The following RBM25 variants were observed in gnomAD, a reference collection of about 807,000 sequenced individuals.
The protein encoded by RBM25 is RNA-binding protein 25.
In RBM25, 19 loss-of-function variants were observed where a neutral mutation model predicts 120.7. That is an observed-to-expected ratio of 0.16 (90% CI 0.11 to 0.23). The LOEUF (loss-of-function observed/expected upper bound fraction) is 0.23. Ranked by LOEUF, RBM25 falls within the 10% of genes least tolerant of loss-of-function variation. The probability of loss-of-function intolerance (pLI) is 1.00; values close to 1 mark genes in which losing one functional copy is unlikely to be tolerated. For synonymous variants in RBM25, 390 were observed against 326.7 expected (o/e 1.19, Z -2.09); for missense variants, 605 against 1,041.5 (o/e 0.58, Z 5.77).
At chr14:73,062,598 T>C (rs367962752) in intron 1 of RBM25, among the ~76,000 whole-genome samples, 3 of 151,580 alleles carry the variant, frequency 2.0e-5, no homozygotes, top group Admixed American at 6.6e-5. Context: ...AAAAATAGTT[T>C]GAAAGATTCA....
At chr14:73,118,526 A>G (rs2140469257) in intron 18 of RBM25, among the ~76,000 whole-genome samples, 1 of 152,130 alleles carries the variant, frequency 6.6e-6, no homozygotes, top group African/African-American at 2.4e-5. Flanking sequence ...GAGATAAATG[A>G]AATTCTGTAT....
intron 9 of RBM25, chr14:73,102,962 C>A: frequency 4.0e-6 from 3 of 750,774 alleles, no homozygotes; most frequent in Non-Finnish European, 5.8e-6. Context: ...CACAATCTCC[C>A]AGCATCCAAG....
intron 5 of RBM25, among the ~76,000 whole-genome samples, chr14:73,083,870 A>G (rs1566588414): frequency 6.6e-6 from 1 of 151,904 alleles, no homozygotes; most frequent in Non-Finnish European, 1.5e-5. Context: ...TTAGTAAGGG[A>G]GAAGAAGAGA....
At chr14:73,080,450 C>A (rs1762371088) in intron 4 of RBM25, among the ~76,000 whole-genome samples, 1 of 152,050 alleles carries the variant, frequency 6.6e-6, no homozygotes, top group Non-Finnish European at 1.5e-5. Context: ...GTCTCGATCT[C>A]CTGACCTCGT....
At chr14:73,069,779 A>AAAAAAAAAT (rs1895234317) in intron 1 of RBM25, 5 of 125,248 alleles carry the variant, frequency 4.0e-5, no homozygotes, top group Non-Finnish European at 6.8e-5. Context: ...AAAAAAAAAA[A>AAAAAAAAAT]GTGTGTTGCT....
intron 10 of RBM25, among the ~76,000 whole-genome samples, chr14:73,103,903 C>T (rs1566597214): frequency 1.3e-5 from 1 of 77,338 alleles, no homozygotes; most frequent in Non-Finnish European, 2.3e-5. Flanking sequence ...GTCTGTCTGT[C>T]TGTCTCTCTC....
chr14:73,117,047 ATC>A (rs1648629757), intron 18 of RBM25, among the ~76,000 whole-genome samples: 1 of 152,050 alleles, frequency 6.6e-6, no homozygotes. Flanking sequence ...TTGTGCCTAC[ATC>A]TCTCTGAAGT....
At chr14:73,075,854 C>T (rs2140430642) in intron 2 of RBM25, among the ~76,000 whole-genome samples, 1 of 151,478 alleles carries the variant, frequency 6.6e-6, no homozygotes, top group African/African-American at 2.4e-5. Flanking sequence ...CTATTTTGCC[C>T]AGGCAGATCT....
At chr14:73,082,134 G>A (rs1177448351) in intron 4 of RBM25, among the ~76,000 whole-genome samples, 3 of 151,918 alleles carry the variant, frequency 2.0e-5, no homozygotes, top group African/African-American at 4.8e-5. Context: ...TATTTTGCAC[G>A]GGTTCTTGGG....
At chr14:73,103,921 C>G (rs377741) in intron 10 of RBM25, among the ~76,000 whole-genome samples, 132 of 71,380 alleles carry the variant, frequency 1.8e-3, no homozygotes, top group Middle Eastern at 5.5e-3. Flanking sequence ...CTCTCTCTCT[C>G]TCTCTCTCTC....
intron 5 of RBM25, among the ~76,000 whole-genome samples, chr14:73,087,535 A>G (rs1370796434): frequency 6.6e-6 from 1 of 151,990 alleles, no homozygotes; most frequent in Non-Finnish European, 1.5e-5. Flanking sequence ...AGCTGGGACT[A>G]CAGGCGCCCG....
At chr14:73,086,668 A>G (rs1316686899) in intron 5 of RBM25, among the ~76,000 whole-genome samples, 1 of 152,198 alleles carries the variant, frequency 6.6e-6, no homozygotes, top group Non-Finnish European at 1.5e-5. Flanking sequence ...CACACTAACA[A>G]CATTGACACT....
intron 2 of RBM25, among the ~76,000 whole-genome samples, chr14:73,075,160 T>G (rs1253587988): frequency 2.0e-5 from 3 of 151,882 alleles, no homozygotes; most frequent in Non-Finnish European, 4.4e-5. Context: ...CATGATTTTA[T>G]TTATTTATTT....
chr14:73,103,628 G>A, intron 10 of RBM25, 150 bp downstream of exon 10: 1 of 1,231,714 alleles, frequency 8.1e-7, no homozygotes, highest in South Asian at 2.1e-5. Flanking sequence ...TGCAGTGGCT[G>A]AGCAATCTCC....
chr14:73,110,949 A>T lies in RBM25; in HGVS notation c.1811A>T (p.Glu604Val). The T allele has an allele frequency of 6.2e-7, 1 of 1,612,828 alleles. No homozygotes were observed. Among genetic ancestry groups the T allele is most frequent in the South Asian group, 1.1e-5 (1 of 90,916 alleles). ...EEKREEPMEE[E>V]EEPEQKPCLK... ...AAACGAGAAGAACCCATGGAAGAGG[A>T]AGAGGAGCCAGAGCAAAAGCCTTGT... is the stretch of plus-strand genomic sequence containing the variant. The change falls in exon 15 of 19, where the codon GAA becomes GTA. Residue 604 changes from glutamate (E) to valine (V), a missense_variant. By Grantham distance (121) the Glu-to-Val change is moderately radical. This residue lies in a region of RBM25 where 465 missense variants were observed against 741.6 expected (regional missense o/e 0.63). Transcript: ENST00000261973.
chr14:73,077,387 T>G lies in RBM25; in HGVS notation c.175T>G (p.Ser59Ala). Residue 59 changes from serine to alanine, a missense_variant, in exon 4 of 19, where the codon TCT becomes GCT. Coordinates refer to ENST00000261973, the MANE Select transcript of RBM25 (RefSeq NM_021239.3). ...ACCTTAGGTCTTAGTACCCACTGTG[T>G]CTATGGTTGGAAAGCATTTGGGCGC... ...PAPTVLVPTV[S>A]MVGKHLGARK... 6.2e-7 allele frequency: 1 copy of G among 1,612,942 alleles called. No homozygotes were observed. Among genetic ancestry groups the G allele is most frequent in the Non-Finnish European group, 8.5e-7 (1 of 1,179,322 alleles).
chr14:73,103,948 T>TCTCTCTCACACACACACACA (rs1594928335), intron 10 of RBM25, among the ~76,000 whole-genome samples: 4 of 91,430 alleles, frequency 4.4e-5, no homozygotes, highest in Non-Finnish European at 9.7e-5. Flanking sequence ...TCTCTCTCTC[T>TCTCTCTCACACACACACACA]CACACACACA....
At chr14:73,117,959 A>T (rs1461474118) in intron 18 of RBM25, among the ~76,000 whole-genome samples, 3 of 152,150 alleles carry the variant, frequency 2.0e-5, no homozygotes, top group Non-Finnish European at 4.4e-5. Context: ...GGATGATGGC[A>T]GGAATAGTGA....
At chr14:73,117,033 C>A in intron 18 of RBM25, among the ~76,000 whole-genome samples, 1 of 151,916 alleles carries the variant, frequency 6.6e-6, no homozygotes, top group Non-Finnish European at 1.5e-5. Flanking sequence ...AGTTTGGTTG[C>A]ATTTTGTGCC....
Sources: gnomAD v4.1 joint callset for allele counts (sites outside exome capture counted in the v4.1 genomes callset) on GRCh38, gnomAD v4.1.1 for gene constraint, gnomAD v4.1.1 regional missense constraint, MANE v1.5 for transcripts, NCBI Gene and HGNC (gene_info 2026-07-23, HGNC 2026-07-21) for gene names.